The following SIRPB1 variants were observed in gnomAD, a reference collection of about 807,000 sequenced individuals.
SIRPB1 encodes signal-regulatory protein beta-1.
Under a neutral mutation model 34.1 loss-of-function variants are expected in SIRPB1, and 28 were observed. That is an observed-to-expected ratio of 0.82 (90% CI 0.61 to 1.12). The LOEUF is 1.12. Ranked by LOEUF, SIRPB1 falls within the 50% of genes most tolerant of loss-of-function variation. The pLI is 0.00. For synonymous variants in SIRPB1, 211 were observed against 203.8 expected (o/e 1.04, Z -0.30); for missense variants, 499 against 507.0 (o/e 0.98, Z 0.15).
At chr20:1,567,583 T>C (rs139953393) in intron 4 of SIRPB1, among the ~76,000 whole-genome samples, 124 of 152,294 alleles carry the variant, frequency 8.1e-4, no homozygotes, top group African/African-American at 2.9e-3. Context: ...AAGTTGGGAA[T>C]CTGATTACTC....
In SIRPB1 at chr20:1,578,326, C is replaced by G. The variant is rs146841337; in HGVS notation, c.433+12G>C. ...CACACCAGGGGACAAAGGAGGCCCA[C>G]GCTGTACTCACCGCGCACAGACAGC... On this transcript the variant is annotated intron_variant, in intron 2 of 5. Transcript: ENST00000381605. 6.3e-7 allele frequency: 1 copy of G among 1,578,314 alleles called. No individual in the cohort carries two copies. The highest frequency in any genetic ancestry group is 8.7e-7 in the Non-Finnish European group (1 of 1,152,252).
rs756012992 is a variant in SIRPB1, at chr20:1,570,980, C to T, written c.909G>A (p.Glu303=). The T allele has an allele frequency of 6.2e-7, 1 of 1,614,056 alleles. No homozygotes were observed. The highest frequency in any genetic ancestry group is 1.3e-5 in the African/African-American group (1 of 74,920). ...TCCAGTTGTAGGTGCCATCCTTGTT[C>T]TCTATGAGGGTCGAAGCTGTTTCTG... is the stretch of plus-strand genomic sequence containing the variant. The part of the protein sequence containing the change: ...SRTETASTLI[E]NKDGTYNWMS... Residue 303 remains glutamate (E), a synonymous_variant, in exon 4 of 6, where the codon GAG becomes GAA. Transcript: ENST00000381605.
At chr20:1,570,303 G>A (rs2091209278) in intron 4 of SIRPB1, among the ~76,000 whole-genome samples, 1 of 152,188 alleles carries the variant, frequency 6.6e-6, no homozygotes, top group Admixed American at 6.5e-5. Flanking sequence ...GGTCACCTGG[G>A]GGTCTGTCCA....
chr20:1,596,719 G>A lies in SIRPB1; in HGVS notation c.77-18025C>T. On this transcript the variant is annotated intron_variant, in intron 1 of 5. Coordinates refer to ENST00000381605, the MANE Select transcript of SIRPB1 (RefSeq NM_006065.5). ...GAAGGACAGAAGAGTGAGCCACGCA[G>A]CTGTTGCGGGGAAGAAGCCGAGGAA... 4.1e-5 allele frequency among the ~76,000 whole-genome samples: 2 copies of A among 49,352 alleles called. 1 individual carries two copies. The highest frequency in any genetic ancestry group is 7.8e-5 in the Non-Finnish European group (2 of 25,598). 32.4% of individuals were successfully genotyped at this position (49,352 alleles called of 152,430 possible). A position where few individuals can be genotyped will look rare whatever the true frequency, so the allele number is the denominator to read the frequency against.
chr20:1,577,801 C>A (rs1568689822), intron 2 of SIRPB1, among the ~76,000 whole-genome samples: 1 of 147,028 alleles, frequency 6.8e-6, no homozygotes, highest in Non-Finnish European at 1.5e-5. Flanking sequence ...TTTACCCTCT[C>A]CATGCCCTGG....
intron 4 of SIRPB1, among the ~76,000 whole-genome samples, chr20:1,568,807 G>A (rs2091180970): frequency 6.6e-6 from 1 of 150,778 alleles, no homozygotes; most frequent in Non-Finnish European, 1.5e-5. Context: ...GCAGGAGATA[G>A]GAATTAATTT....
intron 1 of SIRPB1, among the ~76,000 whole-genome samples, chr20:1,615,043 G>A (rs2091610555): frequency 6.6e-6 from 1 of 152,160 alleles, no homozygotes; most frequent in East Asian, 1.9e-4. Context: ...AGATTCATGT[G>A]ATATGCATAT....
In SIRPB1 at chr20:1,571,870, C is replaced by A. The variant is rs1263196695; in HGVS notation, c.601G>T (p.Gly201Ter). 1.2e-6 allele frequency: 2 copies of A among 1,614,258 alleles called. No homozygotes were observed. Among genetic ancestry groups the A allele is most frequent in the East Asian group, 4.5e-5 (2 of 44,886 alleles). ...SDFQTNVDPA[G>*]DSVSYSIHST... is the part of the protein sequence containing the mutation. Reference sequence around the variant, plus strand: ...TGGATGCTGTAGGACACACTGTCTCCTGCGGGGTCCACGTTGGTCTGGAAG... The same window carrying A: ...TGGATGCTGTAGGACACACTGTCTCATGCGGGGTCCACGTTGGTCTGGAAG... The change falls in exon 3 of 6, where the codon GGA becomes TGA. Residue 201 changes from glycine (G) to a stop codon, truncating the protein, a stop_gained. Transcript: ENST00000381605. LOFTEE classifies it high-confidence loss of function.
intron 1 of SIRPB1, among the ~76,000 whole-genome samples, chr20:1,580,397 T>C (rs1489522740): frequency 7.0e-6 from 1 of 143,184 alleles, no homozygotes; most frequent in African/African-American, 2.6e-5. Flanking sequence ...TTAAAATCAC[T>C]GCCTTAAAAA....
At chr20:1,599,590 G>A (rs2091468323) in intron 1 of SIRPB1, among the ~76,000 whole-genome samples, 1 of 48,784 alleles carries the variant, frequency 2.0e-5, no homozygotes, top group Non-Finnish European at 4.0e-5. Flanking sequence ...TCCCTGCAGG[G>A]CAAGTTCTTC....
intron 4 of SIRPB1, among the ~76,000 whole-genome samples, chr20:1,568,215 A>T (rs1049945455): frequency 6.6e-6 from 1 of 152,232 alleles, no homozygotes; most frequent in African/African-American, 2.4e-5. Context: ...CAGGCCCTAA[A>T]TATTGCTTGA....
rs529231091 is a variant in SIRPB1 at position 1,563,105 on chromosome 20, C to G, written c.*2395G>C. 6.6e-6 allele frequency among the ~76,000 whole-genome samples: 1 copy of G among 152,306 alleles called. No homozygotes were observed. Among genetic ancestry groups the G allele is most frequent in the East Asian group, 1.9e-4 (1 of 5,174 alleles). The stretch of plus-strand genomic sequence containing the variant: ...AAAAAACTTCACATGAAAGGATCTT[C>G]TGGAGTGATTCCACAATATTGAAAA... On this transcript the variant is annotated 3_prime_UTR_variant, in exon 6 of 6. Coordinates refer to ENST00000381605, the MANE Select transcript of SIRPB1 (RefSeq NM_006065.5).
chr20:1,564,575 AG>A lies in SIRPB1; in HGVS notation c.*924del. 1 of 208,666 alleles carries A rather than the reference AG, an allele frequency of 4.8e-6. No individual in the cohort carries two copies. Among genetic ancestry groups the A allele is most frequent in the Non-Finnish European group, 9.5e-6 (1 of 104,840 alleles). The allele number at this position is 208,666 out of a possible 1,614,324, so 12.9% of individuals were successfully genotyped here. A position where few individuals can be genotyped will look rare whatever the true frequency, so the allele number is the denominator to read the frequency against. The stretch of plus-strand genomic sequence containing the variant: ...AGAGATGATGCTGGCTGGGACAGGG[AG>A]GGGTGGTGGAGGTGAGAGGTGTGGA... On this transcript the variant is annotated 3_prime_UTR_variant, in exon 6 of 6. Transcript: ENST00000381605.
chr20:1,616,505 C>T (rs1314020798), intron 1 of SIRPB1, among the ~76,000 whole-genome samples: 1 of 152,166 alleles, frequency 6.6e-6, no homozygotes, highest in Non-Finnish European at 1.5e-5. Flanking sequence ...CCTGGATATC[C>T]ATCTGTAGAG....
Position 1,572,068 on chromosome 20 carries a change from A to G in SIRPB1, c.434-31T>C, listed in dbSNP as rs754944107. On this transcript the variant is annotated intron_variant, in intron 2 of 5. Coordinates refer to ENST00000381605, the MANE Select transcript of SIRPB1 (RefSeq NM_006065.5). ...AAAGGACCATCGATAATCAGGAGACATGACTCAGATGACCATCACTGATGA... is the reference window on the plus strand; with the variant it reads ...AAAGGACCATCGATAATCAGGAGACGTGACTCAGATGACCATCACTGATGA... 8.7e-6 allele frequency: 14 copies of G among 1,613,382 alleles called. No homozygotes were observed. The African/African-American group carries it at 1.5e-4, about 17-fold the overall frequency.
intron 4 of SIRPB1, among the ~76,000 whole-genome samples, chr20:1,570,123 C>T (rs1720448853): frequency 6.6e-6 from 1 of 152,194 alleles, no homozygotes; most frequent in Admixed American, 6.5e-5. Context: ...TCATTACTTC[C>T]TAAGTCCTGG....
In SIRPB1 at chr20:1,588,843, A is replaced by G. The variant is rs2091433338; in HGVS notation, c.77-10149T>C. ...ACAGAGTTACTCATACTCCATTTTC[A>G]GGAGAATCAGACAGGCTGAGCAAAA... On this transcript the variant is annotated intron_variant, in intron 1 of 5. Coordinates refer to ENST00000381605, the MANE Select transcript of SIRPB1 (RefSeq NM_006065.5). The G allele has an allele frequency of 3.0e-5, 4 of 134,724 alleles. 2 individuals carry two copies. Among genetic ancestry groups the G allele is most frequent in the Non-Finnish European group, 5.1e-5 (4 of 79,080 alleles). The allele number at this position is 134,724 out of a possible 1,614,324, so 8.3% of individuals were successfully genotyped here. A position where few individuals can be genotyped will look rare whatever the true frequency, so the allele number is the denominator to read the frequency against.
At chr20:1,566,367 T>C in intron 4 of SIRPB1, 100 bp from the exon 5 acceptor site, 1 of 649,096 alleles carries the variant, frequency 1.5e-6, no homozygotes, top group South Asian at 2.0e-5. Context: ...GGCCCATCAA[T>C]CCTCTGAAGC....
rs1280555681 is a variant in SIRPB1 at position 1,564,121 on chromosome 20, CTG to C, written c.*1377_*1378del. 1 of 152,062 alleles carries C rather than the reference CTG, an allele frequency of 6.6e-6. No homozygotes were observed. Among genetic ancestry groups the C allele is most frequent in the Non-Finnish European group, 1.5e-5 (1 of 68,028 alleles). The allele number at this position is 152,062 out of a possible 1,614,324, so 9.4% of individuals were successfully genotyped here. On this transcript the variant is annotated 3_prime_UTR_variant, in exon 6 of 6. Coordinates refer to ENST00000381605, the MANE Select transcript of SIRPB1 (RefSeq NM_006065.5). ...TTTTCATTGTCCTCTACATTTGTAA[CTG>C]AGAGTGTGAGAGTTTCTAATATTTT...
Sources: gnomAD v4.1 joint callset for allele counts (sites outside exome capture counted in the v4.1 genomes callset) on GRCh38, gnomAD v4.1.1 for gene constraint, MANE v1.5 for transcripts, NCBI Gene and HGNC (gene_info 2026-07-23, HGNC 2026-07-21) for gene names.